The following JAKMIP3 variants were observed in gnomAD, a reference collection of about 807,000 sequenced individuals.
The protein encoded by JAKMIP3 is janus kinase and microtubule-interacting protein 3.
Under a neutral mutation model 118.5 loss-of-function variants are expected in JAKMIP3, and 58 were observed. The ratio of observed to expected loss-of-function variants is 0.49; its 90% confidence interval spans 0.40 to 0.61. The LOEUF (loss-of-function observed/expected upper bound fraction) is 0.61. Among genes scored for constraint, JAKMIP3 ranks in the 20% least tolerant of loss-of-function variants. JAKMIP3 has a pLI of 0.00. For synonymous variants in JAKMIP3, 486 were observed against 451.2 expected, an observed-to-expected ratio of 1.08 and a Z score of -0.98; for missense variants, 950 against 1,109.0, an observed-to-expected ratio of 0.86 and a Z score of 2.04.
chr10:132,178,611 A>G (rs1399939552), intron 23 of JAKMIP3, among the ~76,000 whole-genome samples: 1 of 152,208 alleles, frequency 6.6e-6, no homozygotes, highest in Non-Finnish European at 1.5e-5. Context: ...GTGTTGGGGA[A>G]GAGCAAGGAT....
intron 19 of JAKMIP3, among the ~76,000 whole-genome samples, chr10:132,159,645 GGC>G (rs2057703767): frequency 4.5e-5 from 3 of 66,256 alleles, no homozygotes; most frequent in African/African-American, 1.1e-4. Context: ...GATGCTGGGG[GGC>G]CTCTCCCTGT....
intron 23 of JAKMIP3, among the ~76,000 whole-genome samples, chr10:132,180,724 T>TGTGCGC (rs1554963315): frequency 5.2e-5 from 1 of 19,110 alleles, no homozygotes; most frequent in African/African-American, 2.7e-4. Context: ...TGTGTGCGTG[T>TGTGCGC]GTGTGCGTGT....
intron 3 of JAKMIP3, among the ~76,000 whole-genome samples, chr10:132,127,351 T>G (rs7899271): frequency 6.6e-6 from 1 of 151,526 alleles, no homozygotes; most frequent in Non-Finnish European, 1.5e-5. Context: ...GCCTCCCAAG[T>G]AGCTGGGATT....
At chr10:132,181,479 A>G (rs1238354210) in intron 23 of JAKMIP3, 1 of 152,170 alleles carries the variant, frequency 6.6e-6, no homozygotes, top group African/African-American at 2.4e-5. Flanking sequence ...TCTGTAAAAT[A>G]TGAGGGCTGG....
chr10:132,064,613 G>C (rs540160222), upstream of JAKMIP3, among the ~76,000 whole-genome samples: 1 of 152,344 alleles, frequency 6.6e-6, no homozygotes, highest in East Asian at 1.9e-4. This position sits in a 1 kb window ranked among gnomAD's most constrained non-coding sequence, Gnocchi z 4.4. Context: ...TAGAGGCAGC[G>C]ATGGTTGGTA....
Position 132,048,667 on chromosome 10 carries a change from C to CTTTTTTTT in JAKMIP3, c.-138+11937_-138+11944dup, listed in dbSNP as rs35729418. 2.3e-5 allele frequency among the ~76,000 whole-genome samples: 3 copies of CTTTTTTTT among 129,774 alleles called. 1 individual carries two copies. Among genetic ancestry groups the CTTTTTTTT allele is most frequent in the Non-Finnish European group, 1.6e-5 (1 of 63,128 alleles). 85.1% of individuals were successfully genotyped at this position (129,774 alleles called of 152,430 possible). Reference sequence around the variant, plus strand: ...AATTCCAGGCTTGACTGTTTCTTTTCTTTTTTTTTTTTTTTGAGATGGAGT... The same window carrying CTTTTTTTT: ...AATTCCAGGCTTGACTGTTTCTTTTCTTTTTTTTTTTTTTTTTTTTTTTGAGATGGAGT... On this transcript the variant is annotated intron_variant, in intron 1 of 23. Coordinates refer to the JAKMIP3 transcript ENST00000657785.
chr10:132,098,609 A>G (rs934243024), intron 1 of JAKMIP3, among the ~76,000 whole-genome samples: 5 of 152,202 alleles, frequency 3.3e-5, no homozygotes, highest in African/African-American at 1.2e-4. Context: ...ACGTCCCTTA[A>G]GAGCCCTTCT....
chr10:132,168,196 T>C lies in JAKMIP3; in HGVS notation c.*266T>C. ...CCGGGACGGGCCTGGCCTTGGCTGCTGGACCCTGGGTCCCTTCTCCCGGAC... is the reference window on the plus strand; with the variant it reads ...CCGGGACGGGCCTGGCCTTGGCTGCCGGACCCTGGGTCCCTTCTCCCGGAC... On this transcript the variant is annotated 3_prime_UTR_variant, in exon 23 of 24. Transcript: ENST00000684848. The C allele has an allele frequency of 7.8e-7, 1 of 1,288,880 alleles. No homozygotes were observed. Among genetic ancestry groups the C allele is most frequent in the Non-Finnish European group, 1.0e-6 (1 of 988,514 alleles). 79.8% of individuals were successfully genotyped at this position (1,288,880 alleles called of 1,614,324 possible).
intron 1 of JAKMIP3, among the ~76,000 whole-genome samples, chr10:132,095,522 C>T (rs1385046212): frequency 2.0e-5 from 3 of 152,190 alleles, no homozygotes. Context: ...AACGGTCCTC[C>T]TTTCCCACTT....
intron 2 of JAKMIP3, among the ~76,000 whole-genome samples, chr10:132,111,597 G>A (rs1241029658): frequency 2.0e-5 from 3 of 152,052 alleles, no homozygotes; most frequent in Non-Finnish European, 2.9e-5. Flanking sequence ...ACTTTGGAGG[G>A]AGAAAGGGGG....
chr10:132,045,863 G>A (rs1244271236), intron 1 of JAKMIP3, among the ~76,000 whole-genome samples: 2 of 151,206 alleles, frequency 1.3e-5, no homozygotes, highest in Non-Finnish European at 2.9e-5. Context: ...GAGCCAGGGA[G>A]GTAGAGGTTG....
intron 1 of JAKMIP3, among the ~76,000 whole-genome samples, chr10:132,088,502 C>A (rs1225722611): frequency 6.6e-6 from 1 of 152,162 alleles, no homozygotes; most frequent in Admixed American, 6.5e-5. Context: ...TGATAAATGT[C>A]TTCTTTTGAG....
At chr10:132,149,188 C>T (rs547049136) in intron 14 of JAKMIP3, among the ~76,000 whole-genome samples, 3 of 152,206 alleles carry the variant, frequency 2.0e-5, no homozygotes, top group Admixed American at 6.5e-5. Flanking sequence ...GAACTCTGCC[C>T]GGCACATCTG....
rs114356755 is a variant in JAKMIP3, at chr10:132,119,337, A to G, written c.633+1763A>G. On this transcript the variant is annotated intron_variant, in intron 3 of 23. Coordinates refer to ENST00000684848, the MANE Select transcript of JAKMIP3 (RefSeq NM_001323087.2). ...CTTAAATTTCAAAGTAAAACAGTCT[A>G]ATTTGCTTATCTTTCCCTTTAGGAT... Among the ~76,000 whole-genome samples, 753 of 152,218 alleles carry G rather than the reference A, an allele frequency of 4.9e-3. 3 individuals are homozygous for G. Among genetic ancestry groups the G allele is most frequent in the African/African-American group, 0.017 (701 of 41,524 alleles).
chr10:132,099,819 T>C (rs1209776643), intron 1 of JAKMIP3, among the ~76,000 whole-genome samples: 1 of 152,136 alleles, frequency 6.6e-6, no homozygotes, highest in East Asian at 1.9e-4. Flanking sequence ...GGACGGCACG[T>C]TCCTCGGCAC....
chr10:132,061,560 A>G (rs1444551556), upstream of JAKMIP3, among the ~76,000 whole-genome samples: 3 of 152,234 alleles, frequency 2.0e-5, no homozygotes, highest in Non-Finnish European at 4.4e-5. Flanking sequence ...TTTGAAGATT[A>G]TATCACTAGA....
At chr10:132,147,556 C>T (rs916811639) in intron 13 of JAKMIP3, among the ~76,000 whole-genome samples, 27 of 152,264 alleles carry the variant, frequency 1.8e-4, no homozygotes, top group Non-Finnish European at 3.5e-4. Context: ...CCCTCCACGG[C>T]CTCCCTTCCT....
At chr10:132,073,593 C>G (rs1395639489) in intron 1 of JAKMIP3, among the ~76,000 whole-genome samples, 12 of 151,282 alleles carry the variant, frequency 7.9e-5, no homozygotes, top group African/African-American at 2.9e-4. Context: ...ACCTCCCGGG[C>G]TCAAGCGATT....
At chr10:132,093,931 ATTT>A (rs35838926) in intron 1 of JAKMIP3, among the ~76,000 whole-genome samples, 1,488 of 103,612 alleles carry the variant, frequency 0.014, 13 homozygotes, top group African/African-American at 0.044. Flanking sequence ...TCTTGTATCT[ATTT>A]TTTTTTTTTT....
Sources: allele counts gnomAD v4.1 joint callset (sites outside exome capture counted in the v4.1 genomes callset), GRCh38; gene constraint gnomAD v4.1.1; non-coding constraint Gnocchi (gnomAD v3.1); transcripts MANE v1.5; gene names NCBI Gene and HGNC (gene_info 2026-07-23, HGNC 2026-07-21).